The following B3GALT1 variants were observed in gnomAD, a reference collection of about 807,000 sequenced individuals.
The protein encoded by B3GALT1 is beta-1,3-galactosyltransferase 1, also known as UDP-Gal:betaGlcNAc beta 1,3-galactosyltransferase, polypeptide 1.
Under a neutral mutation model 23.2 loss-of-function variants are expected in B3GALT1, and 10 were observed. The observed-to-expected ratio is 0.43, with a 90% CI of 0.27 to 0.73. The LOEUF (loss-of-function observed/expected upper bound fraction) is 0.73, where lower values mean the gene tolerates loss of function less well. Among genes scored for constraint, B3GALT1 ranks in the 30% least tolerant of loss-of-function variants. The probability of loss-of-function intolerance (pLI) is 0.21; values close to 1 mark genes in which losing one functional copy is unlikely to be tolerated. For missense variants in B3GALT1, 299 were observed against 405.4 expected, an observed-to-expected ratio of 0.74 and a Z score of 2.25; for synonymous variants, 156 against 141.5, an observed-to-expected ratio of 1.10 and a Z score of -0.73.
chr2:167,831,691 T>A (rs989330920), intron 4 of B3GALT1, among the ~76,000 whole-genome samples: 3 of 152,176 alleles, frequency 2.0e-5, no homozygotes, highest in Non-Finnish European at 2.9e-5. Context: ...ATGAAATCTG[T>A]GACATTTTTG....
At chr2:167,494,639 T>C (rs74271066) in intron 2 of B3GALT1, among the ~76,000 whole-genome samples, 1 of 152,254 alleles carries the variant, frequency 6.6e-6, no homozygotes, top group East Asian at 1.9e-4. Flanking sequence ...ACTCACAAAA[T>C]CAAATGTTAG....
intron 2 of B3GALT1, among the ~76,000 whole-genome samples, chr2:167,629,755 A>C (rs1461645378): frequency 1.3e-5 from 2 of 151,800 alleles, no homozygotes; most frequent in Non-Finnish European, 2.9e-5. Flanking sequence ...TGCATGGATC[A>C]AAAATTACCT....
At chr2:167,662,234 C>T (rs1686072530) in intron 3 of B3GALT1, among the ~76,000 whole-genome samples, 1 of 152,080 alleles carries the variant, frequency 6.6e-6, no homozygotes, top group African/African-American at 2.4e-5. Flanking sequence ...CATCCAGATG[C>T]TTGTCCACAA....
chr2:167,564,423 C>T (rs534513530), intron 2 of B3GALT1, among the ~76,000 whole-genome samples: 96 of 152,048 alleles, frequency 6.3e-4, no homozygotes, highest in Middle Eastern at 3.4e-3. Flanking sequence ...AGACGATGGG[C>T]GGCCAGGCGG....
chr2:167,434,279 A>C (rs1698745173), intron 1 of B3GALT1, among the ~76,000 whole-genome samples: 1 of 152,192 alleles, frequency 6.6e-6, no homozygotes. Flanking sequence ...AGAATAAATA[A>C]CTAGCTTTCC....
chr2:167,429,757 A>G (rs1214656703), intron 1 of B3GALT1, among the ~76,000 whole-genome samples: 1 of 152,218 alleles, frequency 6.6e-6, no homozygotes, highest in Non-Finnish European at 1.5e-5. Flanking sequence ...TCCCTTTCTG[A>G]AGAATAAAAG....
At chr2:167,678,175 T>A (rs1475482871) in intron 3 of B3GALT1, among the ~76,000 whole-genome samples, 1 of 152,234 alleles carries the variant, frequency 6.6e-6, no homozygotes, top group Admixed American at 6.5e-5. Flanking sequence ...ATAATTAGCC[T>A]TTCTATCTTT....
At chr2:167,815,020 G>T (rs1367481852) in intron 3 of B3GALT1, 1 of 152,250 alleles carries the variant, frequency 6.6e-6, no homozygotes, top group African/African-American at 2.4e-5. Context: ...GCCCATGCAA[G>T]CTGGCCTGGC....
chr2:167,666,472 G>A (rs1482949561), intron 3 of B3GALT1, among the ~76,000 whole-genome samples: 1 of 151,944 alleles, frequency 6.6e-6, no homozygotes, highest in East Asian at 1.9e-4. Context: ...AGGTCCGCTT[G>A]GTGCAGGGCT....
At chr2:167,413,582 T>C (rs952206350) in intron 1 of B3GALT1, among the ~76,000 whole-genome samples, 29 of 152,148 alleles carry the variant, frequency 1.9e-4, no homozygotes, top group African/African-American at 7.0e-4. Context: ...TGCATTCTGT[T>C]CATCTACTGT....
intron 1 of B3GALT1, among the ~76,000 whole-genome samples, chr2:167,335,214 G>A (rs146000145): frequency 1.1e-3 from 173 of 151,574 alleles, no homozygotes; most frequent in African/African-American, 3.9e-3. Context: ...CGGGGAGGGG[G>A]GAGCGGAATA....
intron 3 of B3GALT1, among the ~76,000 whole-genome samples, chr2:167,800,488 T>C (rs1294321774): frequency 6.6e-6 from 1 of 152,074 alleles, no homozygotes; most frequent in Non-Finnish European, 1.5e-5. Flanking sequence ...CAGAGCAAAA[T>C]CAAATAAAGC....
intron 3 of B3GALT1, among the ~76,000 whole-genome samples, chr2:167,735,930 A>C (rs571050962): frequency 1.1e-4 from 17 of 152,344 alleles, no homozygotes; most frequent in African/African-American, 4.1e-4. Context: ...AAGGATGAGG[A>C]GGAGGAAGAA....
At chr2:167,533,591 G>A (rs1683368070) in intron 2 of B3GALT1, among the ~76,000 whole-genome samples, 1 of 152,062 alleles carries the variant, frequency 6.6e-6, no homozygotes, top group African/African-American at 2.4e-5. Flanking sequence ...CTGATGATGA[G>A]GGATATTGGT....
At chr2:167,531,701 A>G (rs1487655678) in intron 2 of B3GALT1, among the ~76,000 whole-genome samples, 1 of 152,200 alleles carries the variant, frequency 6.6e-6, no homozygotes, top group African/African-American at 2.4e-5. Flanking sequence ...TGCATATTTT[A>G]ACGTGTTACT....
At chr2:167,588,953 G>T (rs888198441) in intron 2 of B3GALT1, among the ~76,000 whole-genome samples, 11 of 139,712 alleles carry the variant, frequency 7.9e-5, no homozygotes, top group South Asian at 2.3e-4. Context: ...TTCCCTCCTT[G>T]TTTTTTAGAG....
At chr2:167,862,547 C>T (rs1690122029) in intron 4 of B3GALT1, among the ~76,000 whole-genome samples, 1 of 152,158 alleles carries the variant, frequency 6.6e-6, no homozygotes, top group Admixed American at 6.5e-5. Context: ...CACAGACACA[C>T]CCAGAAGTAA....
chr2:167,545,978 AG>A (rs1266310936), intron 2 of B3GALT1, among the ~76,000 whole-genome samples: 1 of 152,230 alleles, frequency 6.6e-6, no homozygotes. Flanking sequence ...CATAGGCTGA[AG>A]GTACTTTTAT....
At chr2:167,601,477 A>G (rs950745938) in intron 2 of B3GALT1, among the ~76,000 whole-genome samples, 1 of 152,218 alleles carries the variant, frequency 6.6e-6, no homozygotes, top group Non-Finnish European at 1.5e-5. Context: ...CTGGTCATTT[A>G]TTTTAGCCCA....
Sources: allele counts gnomAD v4.1 joint callset (sites outside exome capture counted in the v4.1 genomes callset), GRCh38; gene constraint gnomAD v4.1.1; transcripts MANE v1.5; gene names NCBI Gene and HGNC (gene_info 2026-07-23, HGNC 2026-07-21).